The following PCDH15 variants were observed in gnomAD, a reference collection of about 807,000 sequenced individuals.
PCDH15 encodes the protein protocadherin related 15, also known as protocadherin-15.
PCDH15 carries 129 observed loss-of-function variants against 178.5 expected under a neutral mutation model. That is an observed-to-expected ratio of 0.72 (90% CI 0.63 to 0.84). The LOEUF is 0.84. Among genes scored for constraint, PCDH15 ranks in the 40% least tolerant of loss-of-function variants. PCDH15 has a pLI of 0.00. For missense variants in PCDH15, 2,230 were observed against 2,099.9 expected, an observed-to-expected ratio of 1.06 and a Z score of -1.21; for synonymous variants, 800 against 732.0, an observed-to-expected ratio of 1.09 and a Z score of -1.50.
chr10:55,108,168 T>G (rs1176814828), intron 2 of PCDH15, among the ~76,000 whole-genome samples: 1 of 152,204 alleles, frequency 6.6e-6, no homozygotes, highest in African/African-American at 2.4e-5. Context: ...CTTATGCTTC[T>G]CAACATCCAG....
chr10:54,690,554 C>T (rs1276932016), intron 1 of PCDH15, among the ~76,000 whole-genome samples: 1 of 151,960 alleles, frequency 6.6e-6, no homozygotes, highest in Non-Finnish European at 1.5e-5. Flanking sequence ...ACCTTGTGAT[C>T]CACCCACCTC....
intron 15 of PCDH15, among the ~76,000 whole-genome samples, chr10:54,126,467 C>G (rs140567095): frequency 1.3e-5 from 2 of 151,982 alleles, no homozygotes; most frequent in East Asian, 1.9e-4. Flanking sequence ...ACCTTAAATA[C>G]GAAAGATAAG....
rs556700939 is a variant in PCDH15, at chr10:54,711,113, G to A, written c.-28-46823C>T. ...TGTGGTAATTACATCTGCTAAAAGG[G>A]TAAGAGGCTGCTTGCTGTCACAACT... On this transcript the variant is annotated intron_variant, in intron 1 of 37. Coordinates refer to ENST00000644397, the MANE Select transcript of PCDH15 (RefSeq NM_001384140.1). Among the ~76,000 whole-genome samples the A allele has an allele frequency of 1.8e-3, 271 of 152,058 alleles. 2 individuals carry two copies. Among genetic ancestry groups the A allele is most frequent in the Middle Eastern group, 3.4e-3 (1 of 294 alleles).
At chr10:54,457,253 C>T (rs943142151) in intron 3 of PCDH15, among the ~76,000 whole-genome samples, 7 of 152,118 alleles carry the variant, frequency 4.6e-5, no homozygotes, top group Admixed American at 4.6e-4. Context: ...AAAAAACGAG[C>T]TATCAACATC....
intron 32 of PCDH15, chr10:53,825,139 T>C (rs1427337774): frequency 3.2e-6 from 5 of 1,542,720 alleles, no homozygotes; most frequent in South Asian, 1.2e-5. Flanking sequence ...TACTTACTTA[T>C]GCCTATGTAT....
At chr10:54,571,278 C>T (rs1160917744) in intron 2 of PCDH15, among the ~76,000 whole-genome samples, 1 of 147,640 alleles carries the variant, frequency 6.8e-6, no homozygotes, top group South Asian at 2.1e-4. Flanking sequence ...TGAGAAGATA[C>T]CAGTCCCACC....
At chr10:54,060,614 C>G (rs1390928302) in intron 18 of PCDH15, among the ~76,000 whole-genome samples, 1 of 152,164 alleles carries the variant, frequency 6.6e-6, no homozygotes, top group Non-Finnish European at 1.5e-5. Flanking sequence ...ATAGCGAAAT[C>G]CAGTCCCAGA....
At chr10:54,433,357 A>G (rs1957181451) in intron 3 of PCDH15, among the ~76,000 whole-genome samples, 1 of 152,162 alleles carries the variant, frequency 6.6e-6, no homozygotes, top group Non-Finnish European at 1.5e-5. Context: ...TGTGGTTCTT[A>G]TATACAATGG....
At chr10:55,060,310 C>A (rs1841399531) in intron 2 of PCDH15, among the ~76,000 whole-genome samples, 1 of 151,940 alleles carries the variant, frequency 6.6e-6, no homozygotes, top group Non-Finnish European at 1.5e-5. Flanking sequence ...AATCAAATGG[C>A]ATTTTTCCTA....
At chr10:54,201,460 A>G (rs928513977) in intron 10 of PCDH15, among the ~76,000 whole-genome samples, 1 of 151,900 alleles carries the variant, frequency 6.6e-6, no homozygotes, top group Non-Finnish European at 1.5e-5. Context: ...TTGTATAGTA[A>G]ATTCCACTGT....
At chr10:54,013,278 A>C (rs1482956548) in intron 20 of PCDH15, among the ~76,000 whole-genome samples, 1 of 152,232 alleles carries the variant, frequency 6.6e-6, no homozygotes, top group Non-Finnish European at 1.5e-5. Flanking sequence ...TTACAGACCT[A>C]CAAAGAGACT....
At chr10:54,585,460 CT>C in intron 2 of PCDH15, 1 of 173,970 alleles carries the variant, frequency 5.7e-6, no homozygotes, top group South Asian at 1.1e-4. Flanking sequence ...GGAGAGCTTT[CT>C]TACAATTATT....
At chr10:55,384,603 TGG>T (rs1837609279) in intron 2 of PCDH15, among the ~76,000 whole-genome samples, 1 of 152,138 alleles carries the variant, frequency 6.6e-6, no homozygotes, top group Non-Finnish European at 1.5e-5. Flanking sequence ...TTGATTCCCC[TGG>T]TTCTTTCTTC....
chr10:54,113,843 GA>G (rs1189488479), intron 15 of PCDH15, among the ~76,000 whole-genome samples: 2 of 151,870 alleles, frequency 1.3e-5, no homozygotes, highest in Non-Finnish European at 2.9e-5. Context: ...AATTTATAAA[GA>G]AAAAAAGGCC....
At chr10:55,480,492 A>G (rs142218541) in intron 2 of PCDH15, among the ~76,000 whole-genome samples, 216 of 151,680 alleles carry the variant, frequency 1.4e-3, no homozygotes, top group African/African-American at 5.0e-3. Context: ...TGTTATTTTA[A>G]GGTTTGTTCT....
rs1163288295 is a variant in PCDH15, at chr10:55,604,433, G to A, written c.-156+23192C>T. 4.2e-3 allele frequency among the ~76,000 whole-genome samples: 634 copies of A among 151,580 alleles called. 5 individuals carry two copies. The highest frequency in any genetic ancestry group is 0.015 in the African/African-American group (600 of 41,048). ...ACAGAACTCTCCACCCCATATCAAC[G>A]GAATATACATTTTTTTCAGCACCAC... is the stretch of plus-strand genomic sequence containing the variant. On this transcript the variant is annotated intron_variant, in intron 2 of 5. Coordinates refer to the PCDH15 transcript ENST00000613346.
At chr10:55,351,012 CT>C (rs1351991247) in intron 2 of PCDH15, among the ~76,000 whole-genome samples, 21 of 105,880 alleles carry the variant, frequency 2.0e-4, no homozygotes, top group African/African-American at 7.6e-4. Flanking sequence ...CTCCCCCTCC[CT>C]CTCTCCCTGC....
intron 8 of PCDH15, among the ~76,000 whole-genome samples, chr10:54,257,013 C>T (rs2056943141): frequency 6.6e-6 from 1 of 151,758 alleles, no homozygotes; most frequent in Non-Finnish European, 1.5e-5. Flanking sequence ...TTGTTCATGC[C>T]TTCATTCACT....
At chr10:54,677,104 G>T (rs1298077305) in intron 1 of PCDH15, among the ~76,000 whole-genome samples, 5 of 152,144 alleles carry the variant, frequency 3.3e-5, no homozygotes, top group African/African-American at 1.2e-4. Flanking sequence ...CAACATGGTG[G>T]CTCACACATG....
Sources: allele counts gnomAD v4.1 joint callset (sites outside exome capture counted in the v4.1 genomes callset), GRCh38; gene constraint gnomAD v4.1.1; transcripts MANE v1.5; gene names NCBI Gene and HGNC (gene_info 2026-07-23, HGNC 2026-07-21).